The following MICU1 variants were observed in gnomAD, a reference collection of about 807,000 sequenced individuals.
The protein encoded by MICU1 is mitochondrial calcium uptake 1, also known as calcium uptake protein 1, mitochondrial.
In MICU1, 45 loss-of-function variants were observed where a neutral mutation model predicts 56.8. The observed-to-expected ratio is 0.79, with a 90% CI of 0.62 to 1.02. The LOEUF is 1.02. Among genes scored for constraint, MICU1 ranks in the 50% least tolerant of loss-of-function variants. MICU1 has a pLI of 0.00. For synonymous variants in MICU1, 186 were observed against 195.1 expected (o/e 0.95, Z 0.39); for missense variants, 504 against 587.1 (o/e 0.86, Z 1.46).
chr10:72,512,865 C>T (rs1208148776), intron 5 of MICU1, among the ~76,000 whole-genome samples: 10 of 151,912 alleles, frequency 6.6e-5, no homozygotes, highest in Non-Finnish European at 1.2e-4. Flanking sequence ...TCACCATGCT[C>T]GGGTAATTTT....
chr10:72,514,445 G>A (rs1397344059), intron 5 of MICU1, among the ~76,000 whole-genome samples: 4 of 151,780 alleles, frequency 2.6e-5, no homozygotes, highest in African/African-American at 7.3e-5. Flanking sequence ...GGTAACTCTC[G>A]AAATCGCATT....
intron 2 of MICU1, among the ~76,000 whole-genome samples, chr10:72,565,308 C>G (rs1840403051): frequency 6.6e-6 from 1 of 151,878 alleles, no homozygotes; most frequent in Non-Finnish European, 1.5e-5. Flanking sequence ...ACTATGCAGC[C>G]ATAAAACATG....
At chr10:72,500,288 ATATATATATATATATTTTTTTTTTTTTTT>A (rs1375711626) in intron 6 of MICU1, among the ~76,000 whole-genome samples, 4 of 7,378 alleles carry the variant, frequency 5.4e-4, no homozygotes, top group African/African-American at 8.9e-4. Flanking sequence ...ATATATATAT[ATATATATATATATATTTTTTTTTTTTTTT>A]TTTTTTTTTT....
intron 8 of MICU1, among the ~76,000 whole-genome samples, chr10:72,430,591 C>A (rs1014126042): frequency 1.3e-5 from 2 of 152,120 alleles, no homozygotes; most frequent in African/African-American, 4.8e-5. Context: ...GATAGGGTCT[C>A]GCTCTGTTGC....
At chr10:72,548,224 CT>C (rs531755542) in intron 4 of MICU1, among the ~76,000 whole-genome samples, 46 of 151,994 alleles carry the variant, frequency 3.0e-4, no homozygotes, top group African/African-American at 1.1e-3. Flanking sequence ...AAAAGGTGGG[CT>C]GAGAAATGTG....
chr10:72,490,233 A>G (rs1866609176), intron 6 of MICU1, among the ~76,000 whole-genome samples: 4 of 152,160 alleles, frequency 2.6e-5, no homozygotes, highest in Non-Finnish European at 4.4e-5. Flanking sequence ...CTATGTATGT[A>G]TGTATATGTA....
At chr10:72,528,256 G>C (rs749099624) in intron 5 of MICU1, among the ~76,000 whole-genome samples, 7 of 152,158 alleles carry the variant, frequency 4.6e-5, no homozygotes, top group Non-Finnish European at 7.4e-5. Flanking sequence ...GGAACTTCTG[G>C]CTTCAAGGAA....
chr10:72,583,728 A>C (rs1424151789), intron 1 of MICU1, among the ~76,000 whole-genome samples: 1 of 152,220 alleles, frequency 6.6e-6, no homozygotes, highest in East Asian at 1.9e-4. Context: ...ATTAGATTTT[A>C]ATTATGCCAA....
At chr10:72,381,069 T>C (rs145694617) in intron 10 of MICU1, among the ~76,000 whole-genome samples, 6 of 152,300 alleles carry the variant, frequency 3.9e-5, no homozygotes, top group African/African-American at 1.2e-4. Flanking sequence ...GTAACGAATG[T>C]GGCCCTGGGA....
intron 10 of MICU1, among the ~76,000 whole-genome samples, chr10:72,403,391 A>AT (rs1427265244): frequency 6.6e-6 from 1 of 151,988 alleles, no homozygotes; most frequent in Non-Finnish European, 1.5e-5. Flanking sequence ...GAATTTTTAA[A>AT]TTTTTTGTAG....
rs182704172 is a variant in MICU1 at position 72,440,861 on chromosome 10, T to C, written c.934-17490A>G. On this transcript the variant is annotated intron_variant, in intron 8 of 11. Transcript: ENST00000361114. Reference sequence around the variant, plus strand: ...AAAACCACAATGAGATACCATCTCATGCCAGTTAGAATAGCGATCATTAAA... The same window carrying C: ...AAAACCACAATGAGATACCATCTCACGCCAGTTAGAATAGCGATCATTAAA... Among the ~76,000 whole-genome samples the C allele has an allele frequency of 2.8e-3, 428 of 151,900 alleles. 3 individuals are homozygous for C. Among genetic ancestry groups the C allele is most frequent in the African/African-American group, 9.7e-3 (404 of 41,490 alleles).
intron 6 of MICU1, chr10:72,477,488 T>G (rs1462505241): frequency 1.3e-6 from 2 of 1,485,164 alleles, no homozygotes; most frequent in African/African-American, 2.8e-5. Flanking sequence ...ACAGCACTTG[T>G]CTACCTTTTT....
intron 1 of MICU1, among the ~76,000 whole-genome samples, chr10:72,622,004 C>T (rs1265553535): frequency 3.9e-5 from 6 of 152,142 alleles, no homozygotes; most frequent in Non-Finnish European, 8.8e-5. Flanking sequence ...AGCTCTGCCT[C>T]CCAGGTTCAC....
intron 6 of MICU1, among the ~76,000 whole-genome samples, chr10:72,493,257 A>G (rs1866728723): frequency 1.3e-5 from 2 of 152,172 alleles, no homozygotes; most frequent in Non-Finnish European, 2.9e-5. Flanking sequence ...TTTCCAAAAC[A>G]GAATAATAGG....
chr10:72,454,111 C>G (rs943917371), intron 8 of MICU1, among the ~76,000 whole-genome samples: 1 of 152,054 alleles, frequency 6.6e-6, no homozygotes, highest in African/African-American at 2.4e-5. Context: ...GGATTACAGG[C>G]GTGAGCTACC....
At chr10:72,486,779 C>A (rs764078793) in intron 6 of MICU1, among the ~76,000 whole-genome samples, 82 of 152,068 alleles carry the variant, frequency 5.4e-4, no homozygotes, top group Non-Finnish European at 8.8e-4. Flanking sequence ...CCTAATTTTT[C>A]ATATACACAT....
chr10:72,529,725 A>G (rs1186281945), intron 5 of MICU1, among the ~76,000 whole-genome samples: 1 of 152,174 alleles, frequency 6.6e-6, no homozygotes, highest in African/African-American at 2.4e-5. Context: ...AAAGAGAGCA[A>G]CTAAATGATT....
chr10:72,604,553 A>G (rs3009539), intron 1 of MICU1, among the ~76,000 whole-genome samples: 151,765 of 152,026 alleles, frequency 1, 75,756 homozygotes, highest in Middle Eastern at 1. Context: ...GATTACAGGC[A>G]TGAGCCAGCG....
Position 72,566,725 on chromosome 10 carries a change from T to G in MICU1, c.69A>C (p.Gly23=). Residue 23 remains glycine (G), a synonymous_variant, in exon 2 of 12, where the codon GGA becomes GGC. Coordinates refer to ENST00000361114, the MANE Select transcript of MICU1 (RefSeq NM_001195518.2). ...LAVGSRWYHG[G]SQPIQIRRRL... ...TTCGCCGGATCTGGATGGGCTGTGATCCTCCATGGTACCATCGAGAACCCA... is the reference window on the plus strand; with the variant it reads ...TTCGCCGGATCTGGATGGGCTGTGAGCCTCCATGGTACCATCGAGAACCCA... 6.2e-7 allele frequency: 1 copy of G among 1,612,834 alleles called. No homozygotes were observed. Among genetic ancestry groups the G allele is most frequent in the Non-Finnish European group, 8.5e-7 (1 of 1,179,430 alleles).
Sources: allele counts gnomAD v4.1 joint callset (sites outside exome capture counted in the v4.1 genomes callset), GRCh38; gene constraint gnomAD v4.1.1; transcripts MANE v1.5; gene names NCBI Gene and HGNC (gene_info 2026-07-23, HGNC 2026-07-21).